ZMAT4: variants seen among roughly 807,000 people sequenced by gnomAD.
ZMAT4 encodes zinc finger matrin-type 4.
Under a neutral mutation model 28.7 loss-of-function variants are expected in ZMAT4, and 17 were observed. That is an observed-to-expected ratio of 0.59 (90% CI 0.41 to 0.89). The LOEUF is 0.89. Ranked by LOEUF, ZMAT4 falls within the 40% of genes least tolerant of loss-of-function variation. The pLI, the probability that ZMAT4 is intolerant of heterozygous loss-of-function variation, is 0.00. For missense variants in ZMAT4, 240 were observed against 283.8 expected, an observed-to-expected ratio of 0.85 and a Z score of 1.11; for synonymous variants, 117 against 109.2, an observed-to-expected ratio of 1.07 and a Z score of -0.44.
chr8:40,674,721 T>C lies in ZMAT4; in HGVS notation c.560A>G (p.Asp187Gly). Residue 187 changes from aspartate (D) to glycine (G), a missense_variant, in exon 5 of 7, where the codon GAT becomes GGT. Coordinates refer to ENST00000297737, the MANE Select transcript of ZMAT4 (RefSeq NM_024645.3). ...GCCCTTACCTCTCAGTTCCCCCATA[T>C]CCAGGGTTGTCCCCAGTTGTTCTAA... ...ALLEQLGTTLDMGELRGLRRN... is the reference protein window; with the variant it reads ...ALLEQLGTTLGMGELRGLRRN... 1 of 1,613,872 alleles carries C rather than the reference T, an allele frequency of 6.2e-7. No homozygotes were observed. The highest frequency in any genetic ancestry group is 8.5e-7 in the Non-Finnish European group (1 of 1,179,834).
rs1813215739 is a variant in ZMAT4, at chr8:40,767,585, G to T, written c.192+56C>A. 2.0e-6 allele frequency: 3 copies of T among 1,478,148 alleles called. No homozygotes were observed. In the Admixed American group the frequency reaches 6.1e-5, roughly 30 times the overall value. The allele number at this position is 1,478,148 out of a possible 1,614,324, so 91.6% of individuals were successfully genotyped here. On this transcript the variant is annotated intron_variant, in intron 3 of 6. Transcript: ENST00000297737. ...AGACTACAATTCCTACACCTGCAAA[G>T]TTCTCAGTACACAGAACAAATCATC...
chr8:40,655,471 A>G (rs1036059400), intron 5 of ZMAT4, among the ~76,000 whole-genome samples: 1 of 151,974 alleles, frequency 6.6e-6, no homozygotes, highest in African/African-American at 2.4e-5. Flanking sequence ...TCATATGAAA[A>G]TTTAAAAAAA....
intron 2 of ZMAT4, among the ~76,000 whole-genome samples, chr8:40,797,797 C>T (rs564601068): frequency 6.6e-6 from 1 of 152,302 alleles, no homozygotes; most frequent in African/African-American, 2.4e-5. Context: ...GTCACAGTCT[C>T]CTCACCTGCA....
intron 5 of ZMAT4, among the ~76,000 whole-genome samples, chr8:40,650,672 C>T (rs1478804271): frequency 8.0e-6 from 1 of 124,558 alleles, no homozygotes. Context: ...ATGCAAAAAT[C>T]CTCAATAAAA....
At chr8:40,859,103 C>T (rs1215084144) in intron 1 of ZMAT4, among the ~76,000 whole-genome samples, 1 of 152,204 alleles carries the variant, frequency 6.6e-6, no homozygotes, top group Admixed American at 6.5e-5. Flanking sequence ...TGGCGCCTGC[C>T]TTTCCGGTCC....
chr8:40,598,619 G>T (rs1585735863), intron 5 of ZMAT4, among the ~76,000 whole-genome samples: 2 of 152,214 alleles, frequency 1.3e-5, no homozygotes, highest in South Asian at 2.1e-4. Flanking sequence ...ATCATTGATG[G>T]GTATTTGGGT....
intron 3 of ZMAT4, among the ~76,000 whole-genome samples, chr8:40,717,009 C>T (rs1331845149): frequency 6.6e-6 from 1 of 152,218 alleles, no homozygotes; most frequent in Non-Finnish European, 1.5e-5. Context: ...GGATATAAAA[C>T]TCTGTCCTCC....
At chr8:40,757,921 G>C (rs943662724) in intron 3 of ZMAT4, among the ~76,000 whole-genome samples, 1 of 152,112 alleles carries the variant, frequency 6.6e-6, no homozygotes, top group African/African-American at 2.4e-5. Flanking sequence ...AAGAAAATGA[G>C]AAGACTAGAC....
intron 5 of ZMAT4, among the ~76,000 whole-genome samples, chr8:40,582,926 C>A (rs1451893209): frequency 6.6e-6 from 1 of 152,182 alleles, no homozygotes; most frequent in Admixed American, 6.5e-5. Context: ...ATAACTATAC[C>A]CACATTACCA....
At chr8:40,588,907 T>C (rs1050166106) in intron 5 of ZMAT4, among the ~76,000 whole-genome samples, 3 of 152,174 alleles carry the variant, frequency 2.0e-5, no homozygotes, top group Admixed American at 6.6e-5. Context: ...AACACAAGAA[T>C]TGATCGTAAC....
chr8:40,722,857 G>C (rs533726572), intron 3 of ZMAT4, among the ~76,000 whole-genome samples: 2 of 152,100 alleles, frequency 1.3e-5, no homozygotes, highest in African/African-American at 4.8e-5. Context: ...ACCTGTGAGC[G>C]TCCACATGCA....
chr8:40,650,462 A>ACTCTTGTGAAT, intron 5 of ZMAT4, among the ~76,000 whole-genome samples: 1 of 114,156 alleles, frequency 8.8e-6, no homozygotes, highest in South Asian at 3.3e-4. Flanking sequence ...AGAGTCCAGG[A>ACTCTTGTGAAT]CCAGATGGAT....
chr8:40,656,751 T>A (rs1251989435), intron 5 of ZMAT4, among the ~76,000 whole-genome samples: 1 of 152,068 alleles, frequency 6.6e-6, no homozygotes, highest in Non-Finnish European at 1.5e-5. Flanking sequence ...CCCATAAATA[T>A]GTACAACTAT....
intron 2 of ZMAT4, among the ~76,000 whole-genome samples, chr8:40,798,714 T>C (rs1334129268): frequency 1.3e-5 from 2 of 152,336 alleles, no homozygotes; most frequent in East Asian, 1.9e-4. Flanking sequence ...CTGAGATTAA[T>C]TTCCCTCTGC....
At position 40,733,512 on chromosome 8, in the gene ZMAT4, G is replaced by C. The variant is rs369781234; in HGVS notation, c.192+34129C>G. Among the ~76,000 whole-genome samples, 9 of 152,170 alleles carry C rather than the reference G, an allele frequency of 5.9e-5. No individual in the cohort carries two copies. In the South Asian group the frequency reaches 6.2e-4, roughly 11 times the overall value. On this transcript the variant is annotated intron_variant, in intron 3 of 6. Coordinates refer to ENST00000297737, the MANE Select transcript of ZMAT4 (RefSeq NM_024645.3). The stretch of plus-strand genomic sequence containing the variant: ...TCTACAGAATTAACTAGAGTTGTTT[G>C]GGGGCCTGTTAACAAGTTGCTGAAA...
In ZMAT4 at chr8:40,820,358, G is replaced by A. The variant is rs988068971; in HGVS notation, c.102+5217C>T. On this transcript the variant is annotated intron_variant, in intron 2 of 6. Transcript: ENST00000297737. Reference sequence around the variant, plus strand: ...TATGTGTGTGTTTATGTGTGTGTTTGTGTGTGTCTACGTGTGTGGGTGTGT... The same window carrying A: ...TATGTGTGTGTTTATGTGTGTGTTTATGTGTGTCTACGTGTGTGGGTGTGT... Among the ~76,000 whole-genome samples, 3 of 150,192 alleles carry A rather than the reference G, an allele frequency of 2.0e-5. No individual in the cohort carries two copies. In the Admixed American group the frequency reaches 2.0e-4, roughly 10 times the overall value.
At chr8:40,685,916 G>A (rs972501335) in intron 4 of ZMAT4, among the ~76,000 whole-genome samples, 2 of 152,174 alleles carry the variant, frequency 1.3e-5, no homozygotes, top group African/African-American at 4.8e-5. Context: ...ATGGCTTGGG[G>A]TGGGGCCCAG....
At chr8:40,675,300 G>A (rs1808863495) in intron 4 of ZMAT4, among the ~76,000 whole-genome samples, 2 of 152,060 alleles carry the variant, frequency 1.3e-5, no homozygotes, top group South Asian at 2.1e-4. Flanking sequence ...TTGAAAACAC[G>A]GTTATTGAAG....
At chr8:40,830,985 G>A (rs890525689) in intron 1 of ZMAT4, among the ~76,000 whole-genome samples, 1 of 152,064 alleles carries the variant, frequency 6.6e-6, no homozygotes, top group African/African-American at 2.4e-5. Flanking sequence ...CACGCAAAAA[G>A]GGGATATTAC....
Sources: allele counts gnomAD v4.1 joint callset (sites outside exome capture counted in the v4.1 genomes callset), GRCh38; gene constraint gnomAD v4.1.1; transcripts MANE v1.5; gene names NCBI Gene and HGNC (gene_info 2026-07-23, HGNC 2026-07-21).